ZNF483: variants seen among roughly 807,000 people sequenced by gnomAD.
ZNF483 encodes zinc finger protein HIT-10.
ZNF483 carries 9 observed loss-of-function variants against 28.6 expected under a neutral mutation model. The ratio of observed to expected loss-of-function variants is 0.32; its 90% CI spans 0.19 to 0.55. The LOEUF is 0.55. Ranked by LOEUF, ZNF483 falls within the 20% of genes least tolerant of loss-of-function variation. The pLI, the probability that ZNF483 is intolerant of heterozygous loss-of-function variation, is 0.93. For missense variants in ZNF483, 675 were observed against 871.7 expected (o/e 0.77, Z 2.84); for synonymous variants, 322 against 306.2 (o/e 1.05, Z -0.54).
chr9:111,573,411 C>T (rs527606041), intron 5 of ZNF483, among the ~76,000 whole-genome samples: 1 of 152,136 alleles, frequency 6.6e-6, no homozygotes, highest in East Asian at 1.9e-4. Context: ...CCTTTCTAGC[C>T]CCCCCATCTC....
intron 5 of ZNF483, among the ~76,000 whole-genome samples, chr9:111,572,890 G>T (rs1004733868): frequency 6.6e-6 from 1 of 151,984 alleles, no homozygotes; most frequent in Non-Finnish European, 1.5e-5. Flanking sequence ...TGCTGTTTCT[G>T]GATTTGTGCG....
chr9:111,565,333 C>T (rs1828509323), intron 5 of ZNF483, among the ~76,000 whole-genome samples: 1 of 152,112 alleles, frequency 6.6e-6, no homozygotes, highest in Non-Finnish European at 1.5e-5. Context: ...TTCTAGCCTC[C>T]AGAACTGTGA....
chr9:111,525,858 G>T (rs1827174046), intron 1 of ZNF483, among the ~76,000 whole-genome samples: 1 of 152,112 alleles, frequency 6.6e-6, no homozygotes, highest in South Asian at 2.1e-4. Flanking sequence ...TGTGCCGGGC[G>T]CTGTACTCGG....
chr9:111,533,655 C>A, intron 3 of ZNF483, 84 bp from the exon 4 acceptor site: 1 of 1,367,038 alleles, frequency 7.3e-7, no homozygotes, highest in Non-Finnish European at 9.7e-7. Flanking sequence ...GGCGACAGAG[C>A]CATAATAGCC....
intron 2 of ZNF483, among the ~76,000 whole-genome samples, chr9:111,528,658 T>C (rs972058419): frequency 6.6e-6 from 1 of 152,184 alleles, no homozygotes; most frequent in Non-Finnish European, 1.5e-5. Context: ...TCCTGACATA[T>C]GTGTGACAGT....
intron 5 of ZNF483, among the ~76,000 whole-genome samples, chr9:111,567,431 T>A (rs570741518): frequency 3.9e-5 from 6 of 152,294 alleles, no homozygotes; most frequent in Non-Finnish European, 7.3e-5. Context: ...GTGATCCACC[T>A]GCCTTGGCCT....
intron 1 of ZNF483, among the ~76,000 whole-genome samples, chr9:111,525,498 T>A (rs1389992753): frequency 4.6e-5 from 3 of 64,764 alleles, no homozygotes; most frequent in Non-Finnish European, 9.7e-5. Flanking sequence ...TGCCTTGTTT[T>A]GTTTGTGGTG....
chr9:111,572,170 G>A (rs138266573), intron 5 of ZNF483, among the ~76,000 whole-genome samples: 1 of 152,276 alleles, frequency 6.6e-6, no homozygotes, highest in East Asian at 1.9e-4. Flanking sequence ...ATTAGCAGTT[G>A]GAAATATGAA....
chr9:111,533,944 G>T, intron 4 of ZNF483, 79 bp downstream of exon 4: 2 of 1,529,232 alleles, frequency 1.3e-6, no homozygotes, highest in Non-Finnish European at 1.8e-6. Context: ...GGTAAGTGCT[G>T]TGTGAAGTAC....
chr9:111,527,950 CTG>C (rs1827221965), intron 2 of ZNF483, 143 bp downstream of exon 2: 1 of 1,542,496 alleles, frequency 6.5e-7, no homozygotes, highest in South Asian at 1.2e-5. Flanking sequence ...CTGCCATTTA[CTG>C]TGTGATTTTG....
At position 111,541,362 on chromosome 9, in the gene ZNF483, T is replaced by G. The variant is rs1462376645; in HGVS notation, c.722-295T>G. ...CCTTGGCCTCCCAAAGTGCTGAGATTACAGGCATGAGCCACCGTGCCCATC... is the reference window on the plus strand; with the variant it reads ...CCTTGGCCTCCCAAAGTGCTGAGATGACAGGCATGAGCCACCGTGCCCATC... On this transcript the variant is annotated intron_variant, in intron 5 of 5. Coordinates refer to ENST00000309235, the MANE Select transcript of ZNF483 (RefSeq NM_133464.5). Among the ~76,000 whole-genome samples the G allele has an allele frequency of 4.6e-5, 7 of 152,142 alleles. No homozygotes were observed. The East Asian group carries it at 1.2e-3, about 25-fold the overall frequency.
rs1270606114 is a variant in ZNF483 at position 111,543,675 on chromosome 9, G to T, written c.*505G>T. The T allele has an allele frequency of 3.1e-6, 3 of 980,560 alleles. No individual in the cohort carries two copies. The highest frequency in any genetic ancestry group is 3.6e-6 in the Non-Finnish European group (3 of 826,114). 60.7% of individuals were successfully genotyped at this position (980,560 alleles called of 1,614,324 possible). A position where few individuals can be genotyped will look rare whatever the true frequency, so the allele number is the denominator to read the frequency against. On this transcript the variant is annotated 3_prime_UTR_variant, in exon 6 of 6. Coordinates refer to ENST00000309235, the MANE Select transcript of ZNF483 (RefSeq NM_133464.5). ...TATCCTGATAATCTCTGAAGCTGTG[G>T]ACATAAGTTATTTTTTTTTATTTGT...
intron 5 of ZNF483, chr9:111,574,744 T>G (rs1359871209): frequency 6.2e-7 from 1 of 1,612,044 alleles, no homozygotes; most frequent in Non-Finnish European, 8.5e-7. Flanking sequence ...CTGGGGGAAG[T>G]GGGCCGGTTC....
chr9:111,575,822 A>G (rs1829030380), intron 5 of ZNF483, among the ~76,000 whole-genome samples: 1 of 152,222 alleles, frequency 6.6e-6, no homozygotes, highest in South Asian at 2.1e-4. Flanking sequence ...ATAAATATTC[A>G]TGACTCTGAG....
At chr9:111,570,394 C>T (rs1384349668) in intron 5 of ZNF483, among the ~76,000 whole-genome samples, 3 of 152,050 alleles carry the variant, frequency 2.0e-5, no homozygotes, top group African/African-American at 7.3e-5. Context: ...TGCAGCCAGG[C>T]AGAATAATGG....
chr9:111,554,671 A>G lies in ZNF483; in HGVS notation c.*11501A>G, dbSNP rs999912079. Among the ~76,000 whole-genome samples the G allele has an allele frequency of 1.3e-5, 2 of 152,246 alleles. No individual in the cohort carries two copies. Among genetic ancestry groups the G allele is most frequent in the Non-Finnish European group, 1.5e-5 (1 of 68,044 alleles). On this transcript the variant is annotated 3_prime_UTR_variant, in exon 6 of 6. Transcript: ENST00000309235. ...AGGGATAATTTGTGTCCTAGGAGGC[A>G]CGGAGCAGGATGGCAAGAGGTTTCA...
chr9:111,561,873 TTTTTGTTTTG>T (rs545283246), intron 5 of ZNF483, among the ~76,000 whole-genome samples: 2 of 152,248 alleles, frequency 1.3e-5, no homozygotes, highest in East Asian at 1.9e-4. Context: ...TGCTGTTGTT[TTTTTGTTTTG>T]TTTTGTTTTG....
intron 5 of ZNF483, chr9:111,562,934 G>C: frequency 7.2e-7 from 1 of 1,385,134 alleles, no homozygotes; most frequent in Non-Finnish European, 9.3e-7. Context: ...ACTGGTTGTT[G>C]TTGACTTTGA....
chr9:111,567,042 C>T (rs904968971), intron 5 of ZNF483, among the ~76,000 whole-genome samples: 15 of 150,558 alleles, frequency 1.0e-4, no homozygotes, highest in African/African-American at 2.2e-4. Context: ...GCCATGATCA[C>T]GGCACTGCAC....
Sources: allele counts gnomAD v4.1 joint callset (sites outside exome capture counted in the v4.1 genomes callset), GRCh38; gene constraint gnomAD v4.1.1; transcripts MANE v1.5; gene names NCBI Gene and HGNC (gene_info 2026-07-23, HGNC 2026-07-21).